TYK2: variants seen among roughly 807,000 people sequenced by gnomAD.
TYK2 encodes tyrosine kinase 2.
TYK2 carries 65 observed loss-of-function variants against 130.9 expected under a neutral mutation model. The observed-to-expected ratio is 0.50, with a 90% CI of 0.41 to 0.61. TYK2 has a LOEUF of 0.61. Ranked by LOEUF, TYK2 falls within the 20% of genes least tolerant of loss-of-function variation. The pLI is 0.00. For synonymous variants in TYK2, 647 were observed against 658.9 expected (o/e 0.98, Z 0.28); for missense variants, 1,378 against 1,610.7 (o/e 0.86, Z 2.47).
chr19:10,376,312 CTTTT>C, intron 3 of TYK2, among the ~76,000 whole-genome samples: 1 of 103,270 alleles, frequency 9.7e-6, no homozygotes, highest in Middle Eastern at 6.9e-3. Flanking sequence ...CGCACCTGGC[CTTTT>C]TTTATTTTTG....
Position 10,369,487 on chromosome 19 carries a change from T to C in TYK2, c.194-1069A>G, listed in dbSNP as rs552113715. ...GATCCTCCCACCTCAATCTCTGGAGTTGATGGGATTATGGCTATGAGCCAG... is the reference window on the plus strand; with the variant it reads ...GATCCTCCCACCTCAATCTCTGGAGCTGATGGGATTATGGCTATGAGCCAG... On this transcript the variant is annotated intron_variant, in intron 3 of 24. Coordinates refer to ENST00000525621, the MANE Select transcript of TYK2 (RefSeq NM_003331.5). Among the ~76,000 whole-genome samples, 6 of 151,988 alleles carry C rather than the reference T, an allele frequency of 3.9e-5. No homozygotes were observed. In the South Asian group the frequency reaches 1.0e-3, roughly 26 times the overall value.
chr19:10,361,609 C>G lies in TYK2; in HGVS notation c.1960-11G>C, dbSNP rs761206468. Reference sequence around the variant, plus strand: ...TGTCTCGTAGAAGGCCTGTGGGGACCGGGCAGGTCAGGTGGCTGCAAAGCC... The same window carrying G: ...TGTCTCGTAGAAGGCCTGTGGGGACGGGGCAGGTCAGGTGGCTGCAAAGCC... On this transcript the variant is annotated splice_polypyrimidine_tract_variant and intron_variant, in intron 13 of 24. Transcript: ENST00000525621. The surrounding 1 kb of genome is among the most constrained non-coding windows in gnomAD (Gnocchi z 4.0). 4 of 1,549,066 alleles carry G rather than the reference C, an allele frequency of 2.6e-6. No homozygotes were observed. The highest frequency in any genetic ancestry group is 3.5e-6 in the Non-Finnish European group (4 of 1,148,234).
In TYK2 at chr19:10,361,668, C is replaced by T. The variant is rs932293990; in HGVS notation, c.1960-70G>A. ...CCATCCCACCTCCTCCACGGACACA[C>T]CCCTCCCATCCCACCTCCTCCACAG... On this transcript the variant is annotated intron_variant, in intron 13 of 24. Transcript: ENST00000525621. This position sits in a 1 kb window ranked among gnomAD's most constrained non-coding sequence, Gnocchi z 4.0. 5 of 1,572,316 alleles carry T rather than the reference C, an allele frequency of 3.2e-6. No homozygotes were observed. The South Asian group carries it at 3.4e-5, about 11-fold the overall frequency.
chr19:10,372,173 T>C (rs1397501199), intron 3 of TYK2, among the ~76,000 whole-genome samples: 1 of 151,308 alleles, frequency 6.6e-6, no homozygotes, highest in Non-Finnish European at 1.5e-5. Flanking sequence ...TTGTATTTTT[T>C]TAGTAGAGAC....
At chr19:10,377,341 TGG>T (rs2042156988) in intron 3 of TYK2, among the ~76,000 whole-genome samples, 2 of 148,868 alleles carry the variant, frequency 1.3e-5, no homozygotes, top group African/African-American at 5.0e-5. Flanking sequence ...GATGGATGGA[TGG>T]ATGGATGGAT....
In TYK2 at chr19:10,353,037, A is replaced by T; in HGVS notation, c.3089T>A (p.Leu1030Gln). The change falls in exon 22 of 25, where the codon CTG becomes CAG. Residue 1030 changes from leucine to glutamine, a missense_variant. Coordinates refer to ENST00000525621, the MANE Select transcript of TYK2 (RefSeq NM_003331.5). This position sits in a 1 kb window ranked among gnomAD's most constrained non-coding sequence, Gnocchi z 6.9. ...IHRDLAARNV[L>Q]LDNDRLVKIG... is the part of the protein sequence containing the mutation. The stretch of plus-strand genomic sequence containing the variant: ...CTTGACCAGCCTGTCGTTGTCCAGC[A>T]GCACGTTGCGCGCGGCTAGGTCTCG... The T allele has an allele frequency of 6.3e-7, 1 of 1,596,176 alleles. No individual in the cohort carries two copies. Among genetic ancestry groups the T allele is most frequent in the Non-Finnish European group, 8.5e-7 (1 of 1,170,840 alleles).
rs764214657 is a variant in TYK2 at position 10,362,227 on chromosome 19, T to G, written c.1669+37A>C. 2.7e-5 allele frequency: 43 copies of G among 1,613,370 alleles called. 1 individual carries two copies. In the Middle Eastern group the frequency reaches 4.9e-4, roughly 19 times the overall value. ...ATGGAGGGCGGGCCTGGGGGAGAGA[T>G]GCCACATCCCACCCAGAGGTCCCCC... On this transcript the variant is annotated intron_variant, in intron 11 of 24. Coordinates refer to ENST00000525621, the MANE Select transcript of TYK2 (RefSeq NM_003331.5).
intron 3 of TYK2, among the ~76,000 whole-genome samples, chr19:10,372,485 T>TATATATATATATATATATA (rs59201811): frequency 2.8e-4 from 11 of 39,452 alleles, no homozygotes; most frequent in South Asian, 8.3e-4. Flanking sequence ...TATATATATA[T>TATATATATATATATATATA]TTTTTTTTTT....
intron 17 of TYK2, 92 bp from the exon 18 acceptor site, chr19:10,356,810 C>T (rs546171130): frequency 7.4e-7 from 1 of 1,359,966 alleles, no homozygotes; most frequent in East Asian, 2.5e-5. Context: ...GAGTGGACCG[C>T]CAGGTGCCCG....
rs1167820981 is a variant in TYK2, at chr19:10,365,754, T to A, written c.774A>T (p.Lys258Asn). The change falls in exon 7 of 25, where the codon AAA (lysine) becomes AAT (asparagine). Residue 258 changes from lysine to asparagine, a missense_variant. Transcript: ENST00000525621. ...GRLSQQMVMV[K>N]YLATLERLAP... ...CCAGCCGCTCGAGTGTGGCTAGGTA[T>A]TTGACCATGACCATCTGCTGGGAGA... 3 of 1,612,826 alleles carry A rather than the reference T, an allele frequency of 1.9e-6. No individual in the cohort carries two copies. The highest frequency in any genetic ancestry group is 2.5e-6 in the Non-Finnish European group (3 of 1,179,886).
Position 10,361,392 on chromosome 19 carries a change from A to G in TYK2, c.2047+119T>C. 1 of 965,178 alleles carries G rather than the reference A, an allele frequency of 1.0e-6. No homozygotes were observed. Among genetic ancestry groups the G allele is most frequent in the Non-Finnish European group, 1.6e-6 (1 of 628,170 alleles). The allele number at this position is 965,178 out of a possible 1,614,324, so 59.8% of individuals were successfully genotyped here. ...GTAGCCCGGGATCAGAGTACAGGTG[A>G]GAGTTGAGAAATAGGCATAGGTTGG... On this transcript the variant is annotated intron_variant, in intron 14 of 24. Coordinates refer to ENST00000525621, the MANE Select transcript of TYK2 (RefSeq NM_003331.5). This position sits in a 1 kb window ranked among gnomAD's most constrained non-coding sequence, Gnocchi z 4.0.
chr19:10,368,391 A>G lies in TYK2; in HGVS notation c.221T>C (p.Phe74Ser). The G allele has an allele frequency of 6.2e-7, 1 of 1,614,132 alleles. No individual in the cohort carries two copies. Among genetic ancestry groups the G allele is most frequent in the South Asian group, 1.1e-5 (1 of 91,084 alleles). ...TTGGGCCTGAGCATCGAAGAGGGCA[A>G]AGAGATTGAAGCAAGGAGGAGTGAT... ...VGITPPCFNL[F>S]ALFDAQAQVW... Residue 74 changes from phenylalanine (F) to serine (S), a missense_variant, in exon 4 of 25, where the codon TTT becomes TCT. Physicochemically the swap from Phe to Ser is radical, Grantham distance 155 (BLOSUM62 -2). Coordinates refer to ENST00000525621, the MANE Select transcript of TYK2 (RefSeq NM_003331.5).
intron 7 of TYK2, 95 bp downstream of exon 7, chr19:10,365,422 G>C: frequency 1.3e-6 from 2 of 1,581,926 alleles, no homozygotes; most frequent in Non-Finnish European, 1.7e-6. Flanking sequence ...AGAGGGCTCA[G>C]GTCAGCCACC....
At position 10,353,929 on chromosome 19, in the gene TYK2, C is replaced by T; in HGVS notation, c.2908+113G>A. ...AGATGCCAAGAACCGCGTACTGCAG[C>T]CTGGGGTTGAGAGTCTCTAATTGGC... On this transcript the variant is annotated intron_variant, in intron 20 of 24. Coordinates refer to ENST00000525621, the MANE Select transcript of TYK2 (RefSeq NM_003331.5). The surrounding 1 kb of genome is among the most constrained non-coding windows in gnomAD (Gnocchi z 6.9). 8.5e-7 allele frequency: 1 copy of T among 1,169,796 alleles called. No homozygotes were observed. Among genetic ancestry groups the T allele is most frequent in the Non-Finnish European group, 1.2e-6 (1 of 800,986 alleles). 72.5% of individuals were successfully genotyped at this position (1,169,796 alleles called of 1,614,324 possible).
In TYK2 at chr19:10,358,434, T is replaced by C. The variant is rs569002; in HGVS notation, c.2176-296A>G. 0.045 allele frequency among the ~76,000 whole-genome samples: 6,660 copies of C among 149,518 alleles called. 462 individuals carry two copies. The highest frequency in any genetic ancestry group is 0.15 in the African/African-American group (6,324 of 40,934). On this transcript the variant is annotated intron_variant, in intron 15 of 24. Transcript: ENST00000525621. ...AAGTAGCGAGAATTACAGGTGCACA[T>C]CACCACAGCCTAGCTGATTCTTAAA...
In TYK2 at chr19:10,361,053, A is replaced by C. The variant is rs1003256476; in HGVS notation, c.2047+458T>G. ...AGGTGTGAGCCACCACACCTAGCCT[A>C]TACAAGGAGTTTTGAGCTACCTGCA... On this transcript the variant is annotated intron_variant, in intron 14 of 24. Coordinates refer to ENST00000525621, the MANE Select transcript of TYK2 (RefSeq NM_003331.5). This position sits in a 1 kb window ranked among gnomAD's most constrained non-coding sequence, Gnocchi z 4.0. 6.6e-6 allele frequency: 3 copies of C among 454,966 alleles called. No homozygotes were observed. Among genetic ancestry groups the C allele is most frequent in the African/African-American group, 6.0e-5 (3 of 50,092 alleles). The allele number at this position is 454,966 out of a possible 1,614,324, so 28.2% of individuals were successfully genotyped here.
intron 6 of TYK2, 65 bp from the exon 7 acceptor site, chr19:10,365,963 G>A (rs532585870): frequency 4.0e-6 from 6 of 1,506,340 alleles, no homozygotes; most frequent in Non-Finnish European, 3.6e-6. Flanking sequence ...GGGTGACACA[G>A]GGCAAGTGGC....
At position 10,351,292 on chromosome 19, in the gene TYK2, G is replaced by A. The variant is rs2040791949; in HGVS notation, c.3319-130C>T. Reference sequence around the variant, plus strand: ...ACCTGAGGTCAGGAGTTCGAGACCAGCCTGGCCAACATGGTGAAACCCCAT... The same window carrying A: ...ACCTGAGGTCAGGAGTTCGAGACCAACCTGGCCAACATGGTGAAACCCCAT... On this transcript the variant is annotated intron_variant, in intron 23 of 24. Coordinates refer to ENST00000525621, the MANE Select transcript of TYK2 (RefSeq NM_003331.5). 5.8e-6 allele frequency: 4 copies of A among 688,126 alleles called. No homozygotes were observed. The South Asian group carries it at 6.0e-5, about 10-fold the overall frequency. 42.6% of individuals were successfully genotyped at this position (688,126 alleles called of 1,614,324 possible).
At position 10,362,428 on chromosome 19, in the gene TYK2, A is replaced by G. The variant is rs1357623241; in HGVS notation, c.1505T>C (p.Leu502Pro). ...CTGCTGCTCAATGGGGAACTTTCGG[A>G]GCCGCAAGCTCTGCATGCCGTCTGG... The part of the protein sequence containing the change: ...QAPDGMQSLR[L>P]RKFPIEQQDG... Residue 502 changes from leucine (L) to proline (P), a missense_variant, in exon 11 of 25, where the codon CTC (leucine) becomes CCC (proline). By Grantham distance (98) the Leu-to-Pro change is moderately conservative (BLOSUM62 -3). Coordinates refer to ENST00000525621, the MANE Select transcript of TYK2 (RefSeq NM_003331.5). 1 of 1,607,822 alleles carries G rather than the reference A, an allele frequency of 6.2e-7. No homozygotes were observed. The highest frequency in any genetic ancestry group is 8.5e-7 in the Non-Finnish European group (1 of 1,176,364).
Sources: gnomAD v4.1 joint callset for allele counts (sites outside exome capture counted in the v4.1 genomes callset) on GRCh38, gnomAD v4.1.1 for gene constraint, Gnocchi (gnomAD v3.1) non-coding constraint, MANE v1.5 for transcripts, NCBI Gene and HGNC (gene_info 2026-07-23, HGNC 2026-07-21) for gene names.